LYSMD2: variants seen among roughly 807,000 people sequenced by gnomAD.
LYSMD2 encodes LysM domain containing 2, also known as lysM and putative peptidoglycan-binding domain-containing protein 2.
In LYSMD2, 6 loss-of-function variants were observed where a neutral mutation model predicts 17.7. The ratio of observed to expected loss-of-function variants is 0.34; its 90% confidence interval spans 0.19 to 0.67. The LOEUF is 0.67. Among genes scored for constraint, LYSMD2 ranks in the 30% least tolerant of loss-of-function variants. The pLI is 0.69. For synonymous variants in LYSMD2, 102 were observed against 129.8 expected (o/e 0.79, Z 1.45); for missense variants, 237 against 286.7 (o/e 0.83, Z 1.25).
intron 1 of LYSMD2, among the ~76,000 whole-genome samples, chr15:51,727,321 A>C (rs913292045): frequency 6.6e-6 from 1 of 152,134 alleles, no homozygotes; most frequent in Non-Finnish European, 1.5e-5. Context: ...GAACGACCTT[A>C]CCATAACCAG....
At chr15:51,739,225 C>T (rs182560721), upstream of LYSMD2, among the ~76,000 whole-genome samples, 16 of 152,294 alleles carry the variant, frequency 1.1e-4, no homozygotes, top group East Asian at 3.1e-3. Flanking sequence ...TGTGTTTGTA[C>T]TTGCATGTAC....
chr15:51,737,871 C>G, upstream of LYSMD2: 1 of 275,540 alleles, frequency 3.6e-6, no homozygotes, highest in Middle Eastern at 1.0e-3. This position sits in a 1 kb window ranked among gnomAD's most constrained non-coding sequence, Gnocchi z 4.2. Context: ...CAGCTCCCGC[C>G]GCGGCCTGCC....
At chr15:51,739,347 A>T (rs74584884), upstream of LYSMD2, among the ~76,000 whole-genome samples, 1,905 of 152,308 alleles carry the variant, frequency 0.013, 27 homozygotes, top group Non-Finnish European at 0.022. Context: ...AATAAAAAAA[A>T]AAATAAATAC....
At chr15:51,731,599 G>A (rs996898648) in intron 1 of LYSMD2, among the ~76,000 whole-genome samples, 10 of 152,220 alleles carry the variant, frequency 6.6e-5, no homozygotes, top group South Asian at 2.1e-4. Flanking sequence ...AGGGTACTGC[G>A]GGGTGAGGTG....
At chr15:51,747,040 AAAT>A (rs1567231454) in intron 1 of LYSMD2, among the ~76,000 whole-genome samples, 2 of 150,832 alleles carry the variant, frequency 1.3e-5, no homozygotes, top group Non-Finnish European at 1.5e-5. Flanking sequence ...AAAAAAAAAA[AAAT>A]ACGAAAATTA....
rs1464749465 is a variant in LYSMD2, at chr15:51,732,780, A to T, written c.273+4570T>A. 2.6e-5 allele frequency among the ~76,000 whole-genome samples: 4 copies of T among 152,002 alleles called. No homozygotes were observed. In the East Asian group the frequency reaches 7.7e-4, roughly 29 times the overall value. ...TACAGCATATCAGCAAATCATCCAG[A>T]CCCCAGCCACATCTCACCACCTCCT... On this transcript the variant is annotated intron_variant, in intron 1 of 2. Transcript: ENST00000267838.
At position 51,737,430 on chromosome 15, in the gene LYSMD2, C is replaced by T. The variant is rs1434439306; in HGVS notation, c.193G>A (p.Gly65Ser). The change falls in exon 1 of 3, where the codon GGC becomes AGC. Residue 65 changes from glycine (G) to serine (S), a missense_variant. By Grantham distance (56) the Gly-to-Ser change is moderately conservative (BLOSUM62 0). Transcript: ENST00000267838. This position sits in a 1 kb window ranked among gnomAD's most constrained non-coding sequence, Gnocchi z 4.2. The stretch of plus-strand genomic sequence containing the variant: ...TGCTCCACATGGCGCTCGATGACGC[C>T]GGCGCCCAGCGGCGCCCGCACGCTG... Reference protein sequence around the residue: ...TASVRAPLGAGVIERHVEHRV... With the variant: ...TASVRAPLGASVIERHVEHRV... The T allele has an allele frequency of 2.8e-6, 4 of 1,433,420 alleles. No homozygotes were observed. Among genetic ancestry groups the T allele is most frequent in the South Asian group, 1.4e-5 (1 of 72,986 alleles). The allele number at this position is 1,433,420 out of a possible 1,614,324, so 88.8% of individuals were successfully genotyped here. A position where few individuals can be genotyped will look rare whatever the true frequency, so the allele number is the denominator to read the frequency against.
chr15:51,750,949 C>T (rs1381872751), intron 1 of LYSMD2, among the ~76,000 whole-genome samples: 1 of 152,190 alleles, frequency 6.6e-6, no homozygotes, highest in African/African-American at 2.4e-5. Context: ...CTCGGAAACC[C>T]CAAGGAAGGA....
intron 1 of LYSMD2, among the ~76,000 whole-genome samples, chr15:51,744,698 T>C (rs1279875609): frequency 1.3e-5 from 2 of 152,186 alleles, no homozygotes; most frequent in African/African-American, 4.8e-5. Context: ...TTCTGTTTTC[T>C]GAAAGAGGTT....
chr15:51,750,043 T>C (rs574149272), intron 1 of LYSMD2, among the ~76,000 whole-genome samples: 8 of 152,258 alleles, frequency 5.3e-5, no homozygotes, highest in Non-Finnish European at 1.2e-4. Flanking sequence ...CTTTACTTTC[T>C]GGTTCAACCC....
intron 2 of LYSMD2, among the ~76,000 whole-genome samples, chr15:51,724,374 ACTT>A (rs1395827625): frequency 6.6e-6 from 1 of 152,192 alleles, no homozygotes; most frequent in Non-Finnish European, 1.5e-5. Flanking sequence ...CTATGACACT[ACTT>A]CTCTTGAAAG....
intron 1 of LYSMD2, among the ~76,000 whole-genome samples, chr15:51,729,933 A>G (rs1567227900): frequency 6.6e-6 from 1 of 152,208 alleles, no homozygotes; most frequent in Non-Finnish European, 1.5e-5. Flanking sequence ...TAATGCTGAG[A>G]CTAGAAAATG....
At chr15:51,733,541 G>T (rs1419696241) in intron 1 of LYSMD2, among the ~76,000 whole-genome samples, 2 of 151,872 alleles carry the variant, frequency 1.3e-5, no homozygotes, top group Non-Finnish European at 2.9e-5. Context: ...GACATAGAGT[G>T]TGCAGAAAAG....
At chr15:51,734,380 C>T (rs1328254610) in intron 1 of LYSMD2, among the ~76,000 whole-genome samples, 1 of 152,192 alleles carries the variant, frequency 6.6e-6, no homozygotes, top group Non-Finnish European at 1.5e-5. Flanking sequence ...AGCCCTTCAG[C>T]ACCACTTCAG....
upstream of LYSMD2, among the ~76,000 whole-genome samples, chr15:51,738,564 A>G (rs2055627473): frequency 6.6e-6 from 1 of 151,986 alleles, no homozygotes; most frequent in African/African-American, 2.4e-5. Flanking sequence ...ACTCTTGAAC[A>G]CCCTTTCAAC....
At chr15:51,738,923 C>T (rs2055629544), upstream of LYSMD2, among the ~76,000 whole-genome samples, 1 of 152,202 alleles carries the variant, frequency 6.6e-6, no homozygotes, top group African/African-American at 2.4e-5. Flanking sequence ...ATCTATAACT[C>T]ATTCTGTATA....
chr15:51,725,171 G>A (rs779054421), intron 1 of LYSMD2, 50 bp from the exon 2 acceptor site: 3 of 1,179,354 alleles, frequency 2.5e-6, no homozygotes, highest in South Asian at 1.5e-5. Flanking sequence ...AAGTCAAGGA[G>A]TAAGATTTAT....
upstream of LYSMD2, among the ~76,000 whole-genome samples, chr15:51,742,292 G>A (rs1423673049): frequency 2.0e-5 from 3 of 152,082 alleles, no homozygotes; most frequent in Admixed American, 1.3e-4. Flanking sequence ...TACCCACCTC[G>A]GCCTCCCAAA....
intron 1 of LYSMD2, among the ~76,000 whole-genome samples, chr15:51,742,848 A>G (rs998036439): frequency 1.3e-5 from 2 of 152,170 alleles, no homozygotes; most frequent in Non-Finnish European, 2.9e-5. Context: ...TGTAGTCTCA[A>G]CTACTCACAA....
Sources: gnomAD v4.1 joint callset for allele counts (sites outside exome capture counted in the v4.1 genomes callset) on GRCh38, gnomAD v4.1.1 for gene constraint, Gnocchi (gnomAD v3.1) non-coding constraint, MANE v1.5 for transcripts, NCBI Gene and HGNC (gene_info 2026-07-23, HGNC 2026-07-21) for gene names.